Variants in NISCH observed in about 807,000 individuals in gnomAD.
NISCH encodes the protein I-1 receptor candidate protein.
In NISCH, 55 loss-of-function variants were observed where a neutral mutation model predicts 138.4. The observed-to-expected ratio is 0.40, with a 90% confidence interval of 0.32 to 0.50. The LOEUF is 0.50. Among genes scored for constraint, NISCH ranks in the 20% least tolerant of loss-of-function variants. The pLI is 0.71. For synonymous variants in NISCH, 860 were observed against 861.5 expected (o/e 1.00, Z 0.03); for missense variants, 1,643 against 2,005.5 (o/e 0.82, Z 3.45).
rs1202684518 is a variant in NISCH, at chr3:52,489,593, A to G, written c.3371A>G (p.His1124Arg). 2.5e-6 allele frequency: 4 copies of G among 1,613,100 alleles called. No individual in the cohort carries two copies. The highest frequency in any genetic ancestry group is 1.3e-5 in the African/African-American group (1 of 75,052). The change falls in exon 17 of 21, where the codon CAC becomes CGC. Residue 1124 changes from histidine to arginine, a missense_variant. Transcript: ENST00000345716. ...ATSEENQIPSHLPACPSLRHV... is the reference protein window; with the variant it reads ...ATSEENQIPSRLPACPSLRHV... ...TCGGAGGAGAATCAGATCCCCTCGC[A>G]CTTGCCTGCCTGCCCGTCGCTCCGG...
At chr3:52,475,315 C>T (rs1041767315) in intron 7 of NISCH, among the ~76,000 whole-genome samples, 2 of 152,150 alleles carry the variant, frequency 1.3e-5, no homozygotes, top group Non-Finnish European at 2.9e-5. Flanking sequence ...GAGCCCAGGG[C>T]GACCCATTGT....
In NISCH at chr3:52,492,692, T is replaced by TACCACCTGTGGGAGGCTGA; in HGVS notation, c.*210_*211insACCACCTGTGGGAGGCTGA. The TACCACCTGTGGGAGGCTGA allele has an allele frequency of 1.5e-6, 1 of 658,102 alleles. No homozygotes were observed. Among genetic ancestry groups the TACCACCTGTGGGAGGCTGA allele is most frequent in the Non-Finnish European group, 2.5e-6 (1 of 397,526 alleles). 40.8% of individuals were successfully genotyped at this position (658,102 alleles called of 1,614,324 possible). A position where few individuals can be genotyped will look rare whatever the true frequency, so the allele number is the denominator to read the frequency against. On this transcript the variant is annotated 3_prime_UTR_variant, in exon 21 of 21. Coordinates refer to ENST00000345716, the MANE Select transcript of NISCH (RefSeq NM_007184.4). ...GCCCCTCAGGGCTGTCGGTGTGCTGTCAGCCTCCCACAGGTGGTACAGCCG... is the reference window on the plus strand; with the variant it reads ...GCCCCTCAGGGCTGTCGGTGTGCTGTACCACCTGTGGGAGGCTGACAGCCTCCCACAGGTGGTACAGCCG...
intron 13 of NISCH, 51 bp from the exon 14 acceptor site, chr3:52,484,462 T>TTGGGGCGC: frequency 5.1e-6 from 4 of 788,670 alleles, no homozygotes; most frequent in Non-Finnish European, 7.3e-6. Context: ...ACAGCCGCTC[T>TTGGGGCGC]CCCCGCCCCA....
At chr3:52,481,991 T>G in intron 13 of NISCH, 1 of 895,086 alleles carries the variant, frequency 1.1e-6, no homozygotes, top group African/African-American at 1.8e-5. Context: ...CTCCGCTCTA[T>G]CCGCTGAGTG....
At chr3:52,472,635 G>A (rs186472528) in intron 6 of NISCH, among the ~76,000 whole-genome samples, 1 of 152,368 alleles carries the variant, frequency 6.6e-6, no homozygotes, top group East Asian at 1.9e-4. Context: ...GTTAGCCAGG[G>A]TGGAGCACCA....
intron 13 of NISCH, among the ~76,000 whole-genome samples, chr3:52,483,227 G>A (rs572899121): frequency 2.6e-5 from 4 of 152,300 alleles, no homozygotes; most frequent in African/African-American, 7.2e-5. Flanking sequence ...TGCCTGCCTC[G>A]CTTGTGGGCA....
At chr3:52,475,481 T>TC (rs1707074665) in intron 7 of NISCH, 1 of 152,224 alleles carries the variant, frequency 6.6e-6, no homozygotes, top group Admixed American at 6.5e-5. Context: ...GACCACATCA[T>TC]CAGCTTGGAA....
chr3:52,459,727 C>T (rs1327234238), intron 3 of NISCH, among the ~76,000 whole-genome samples: 1 of 151,844 alleles, frequency 6.6e-6, no homozygotes, highest in Non-Finnish European at 1.5e-5. Context: ...TGCCACCGCA[C>T]CTGGCCAAAA....
intron 13 of NISCH, chr3:52,481,244 A>C: frequency 9.2e-7 from 1 of 1,091,502 alleles, no homozygotes; most frequent in Non-Finnish European, 1.1e-6. Context: ...TGTGGTGCAG[A>C]ATGCTCAGCA....
chr3:52,491,551 G>T lies in NISCH; in HGVS notation c.3904+38G>T, dbSNP rs748793670. 3 of 1,581,978 alleles carry T rather than the reference G, an allele frequency of 1.9e-6. No individual in the cohort carries two copies. In the African/African-American group the frequency reaches 4.0e-5, roughly 21 times the overall value. Reference sequence around the variant, plus strand: ...AGCTCAGGCTGCAGACAGGCTGCCTGGACAGACGTCATGGGCCCCAGGGTG... The same window carrying T: ...AGCTCAGGCTGCAGACAGGCTGCCTTGACAGACGTCATGGGCCCCAGGGTG... On this transcript the variant is annotated intron_variant, in intron 20 of 20. Coordinates refer to ENST00000345716, the MANE Select transcript of NISCH (RefSeq NM_007184.4).
At position 52,478,491 on chromosome 3, in the gene NISCH, C is replaced by T. The variant is rs369255705; in HGVS notation, c.1216C>T (p.His406Tyr). The change falls in exon 11 of 21, where the codon CAC becomes TAC. Residue 406 changes from histidine to tyrosine, a missense_variant. By Grantham distance (83) the His-to-Tyr change is moderately conservative. Coordinates refer to ENST00000345716, the MANE Select transcript of NISCH (RefSeq NM_007184.4). ...RSIGSLPCLE[H>Y]VSLLNNPLSI... is the part of the protein sequence containing the mutation. ...CATAGGCAGCCTCCCGTGTCTGGAG[C>T]ACGTGTCTCTGCTGAACAACCCTCT... is the stretch of plus-strand genomic sequence containing the variant. 1 of 1,614,180 alleles carries T rather than the reference C, an allele frequency of 6.2e-7. No homozygotes were observed.
Position 52,488,468 on chromosome 3 carries a change from C to G in NISCH, c.2976C>G (p.Phe992Leu), listed in dbSNP as rs755616948. The change falls in exon 16 of 21, where the codon TTC (phenylalanine) becomes TTG (leucine). Residue 992 changes from phenylalanine (F) to leucine (L), a missense_variant. Phe to Leu is a conservative substitution (Grantham distance 22). Transcript: ENST00000345716. ...TAIFVLPHEK[F>L]HFLRVYNQLR... ...TCTTCGTGCTGCCCCACGAGAAGTT[C>G]CACTTCCTGCGCGTCTACAACCAGC... 1 of 1,613,578 alleles carries G rather than the reference C, an allele frequency of 6.2e-7. No individual in the cohort carries two copies. The highest frequency in any genetic ancestry group is 8.5e-7 in the Non-Finnish European group (1 of 1,180,006).
At position 52,458,775 on chromosome 3, in the gene NISCH, G is replaced by T; in HGVS notation, c.291G>T (p.Gln97His). 4 of 1,613,390 alleles carry T rather than the reference G, an allele frequency of 2.5e-6. No individual in the cohort carries two copies. Among genetic ancestry groups the T allele is most frequent in the Non-Finnish European group, 3.4e-6 (4 of 1,180,020 alleles). Residue 97 changes from glutamine (Q) to histidine (H), a missense_variant, in exon 3 of 21, where the codon CAG becomes CAT. Coordinates refer to ENST00000345716, the MANE Select transcript of NISCH (RefSeq NM_007184.4). ...KREKDLEVYL[Q>H]KLLAAFPGVT... ...AGAAGGATCTGGAGGTCTACCTCCAGAAGCTCCTGGCTGCCTTCCCTGGCG... is the reference window on the plus strand; with the variant it reads ...AGAAGGATCTGGAGGTCTACCTCCATAAGCTCCTGGCTGCCTTCCCTGGCG...
chr3:52,457,503 C>T (rs1391273092), intron 1 of NISCH, among the ~76,000 whole-genome samples: 1 of 152,212 alleles, frequency 6.6e-6, no homozygotes, highest in African/African-American at 2.4e-5. Context: ...TTTTGAGTTA[C>T]CTAGAGGCAG....
At position 52,455,721 on chromosome 3, in the gene NISCH, T is replaced by C; in HGVS notation, c.80T>C (p.Val27Ala). ...GCGCGCGTCGTGGGCTCGGAGCTTG[T>C]GGACACTTATACGGTGTGTTGGGGG... ...KEARVVGSELVDTYTVYIIQV... is the reference protein window; with the variant it reads ...KEARVVGSELADTYTVYIIQV... Residue 27 changes from valine to alanine, a missense_variant, in exon 1 of 21, where the codon GTG (valine) becomes GCG (alanine). Transcript: ENST00000345716. 1 of 1,366,604 alleles carries C rather than the reference T, an allele frequency of 7.3e-7. No individual in the cohort carries two copies. Among genetic ancestry groups the C allele is most frequent in the Non-Finnish European group, 9.5e-7 (1 of 1,049,408 alleles). The allele number at this position is 1,366,604 out of a possible 1,614,324, so 84.7% of individuals were successfully genotyped here. A position where few individuals can be genotyped will look rare whatever the true frequency, so the allele number is the denominator to read the frequency against.
At position 52,477,477 on chromosome 3, in the gene NISCH, G is replaced by A. The variant is rs577374147; in HGVS notation, c.919-97G>A. On this transcript the variant is annotated intron_variant, in intron 8 of 20. Coordinates refer to ENST00000345716, the MANE Select transcript of NISCH (RefSeq NM_007184.4). Reference sequence around the variant, plus strand: ...GGACGGCCCGTGGGAGTCCATGGTCGGGAGGAAGCGTCCTGGGGTGCCCGT... The same window carrying A: ...GGACGGCCCGTGGGAGTCCATGGTCAGGAGGAAGCGTCCTGGGGTGCCCGT... 112 of 988,522 alleles carry A rather than the reference G, an allele frequency of 1.1e-4. No individual in the cohort carries two copies. In the Admixed American group the frequency reaches 1.2e-3, roughly 10 times the overall value. 61.2% of individuals were successfully genotyped at this position (988,522 alleles called of 1,614,324 possible).
intron 3 of NISCH, among the ~76,000 whole-genome samples, chr3:52,468,577 G>A (rs970071640): frequency 7.9e-5 from 12 of 152,146 alleles, no homozygotes; most frequent in Non-Finnish European, 2.9e-5. Flanking sequence ...AGAGACTGAA[G>A]TTGAACTTCA....
Position 52,478,668 on chromosome 3 carries a change from C to A in NISCH, c.1302+91C>A. 3 of 1,204,842 alleles carry A rather than the reference C, an allele frequency of 2.5e-6. No homozygotes were observed. The South Asian group carries it at 3.9e-5, about 16-fold the overall frequency. 74.6% of individuals were successfully genotyped at this position (1,204,842 alleles called of 1,614,324 possible). On this transcript the variant is annotated intron_variant, in intron 11 of 20. Coordinates refer to ENST00000345716, the MANE Select transcript of NISCH (RefSeq NM_007184.4). ...GGTAGGGGGATATATGTCCATTGTTCTACCCTTGCCTGCTTCAGAAAGAGG... is the reference window on the plus strand; with the variant it reads ...GGTAGGGGGATATATGTCCATTGTTATACCCTTGCCTGCTTCAGAAAGAGG...
At chr3:52,475,395 T>C (rs1476907781) in intron 7 of NISCH, among the ~76,000 whole-genome samples, 1 of 152,212 alleles carries the variant, frequency 6.6e-6, no homozygotes, top group Admixed American at 6.5e-5. Context: ...GGCTTTGTGC[T>C]ACTCCCCTTA....
Sources: allele counts gnomAD v4.1 joint callset (sites outside exome capture counted in the v4.1 genomes callset), GRCh38; gene constraint gnomAD v4.1.1; transcripts MANE v1.5; gene names NCBI Gene and HGNC (gene_info 2026-07-23, HGNC 2026-07-21).